The following CLTC variants were observed in gnomAD, a reference collection of about 807,000 sequenced individuals.
CLTC encodes clathrin heavy chain.
In CLTC, 16 loss-of-function variants were observed where a neutral mutation model predicts 195.8. That is an observed-to-expected ratio of 0.08 (90% CI 0.06 to 0.12). CLTC has a LOEUF of 0.12. Among genes scored for constraint, CLTC ranks in the 10% least tolerant of loss-of-function variants. The probability of loss-of-function intolerance (pLI) is 1.00; values close to 1 mark genes in which losing one functional copy is unlikely to be tolerated. For missense variants in CLTC, 796 were observed against 2,027.0 expected, an observed-to-expected ratio of 0.39 and a Z score of 11.66; for synonymous variants, 667 against 689.4, an observed-to-expected ratio of 0.97 and a Z score of 0.51.
Position 59,693,806 on chromosome 17 carries a change from C to T in CLTC, c.4982C>T (p.Ala1661Val). Reference sequence around the variant, plus strand: ...GCACCTTTTGGTTATGGTTATACCGCACCACCGTATGGACAGCCACAGCCT... The same window carrying T: ...GCACCTTTTGGTTATGGTTATACCGTACCACCGTATGGACAGCCACAGCCT... The part of the protein sequence containing the change: ...PQAPFGYGYT[A>V]PPYGQPQPGF... The change falls in exon 32 of 32, where the codon GCA (alanine) becomes GTA (valine). Residue 1661 changes from alanine to valine, a missense_variant. Physicochemically the swap from Ala to Val is moderately conservative, Grantham distance 64 (BLOSUM62 0). Around this residue, in one of 9 missense-constraint regions of CLTC, gnomAD observed 148 missense variants for 279.5 expected, o/e 0.53. Transcript: ENST00000269122. 6.2e-7 allele frequency: 1 copy of T among 1,613,616 alleles called. No homozygotes were observed. The highest frequency in any genetic ancestry group is 8.5e-7 in the Non-Finnish European group (1 of 1,179,770).
chr17:59,662,312 A>G (rs1200858159), intron 8 of CLTC, among the ~76,000 whole-genome samples: 1 of 151,958 alleles, frequency 6.6e-6, no homozygotes, highest in Non-Finnish European at 1.5e-5. Flanking sequence ...TTTTATATTC[A>G]CTCAGTACTT....
Position 59,696,939 on chromosome 17 carries a change from G to C in CLTC, c.*3087G>C, listed in dbSNP as rs1449550658. ...AACATGAAACACTGCACAGTAGGTTGTATCAATGCTATAAAACTCAACCTG... is the reference window on the plus strand; with the variant it reads ...AACATGAAACACTGCACAGTAGGTTCTATCAATGCTATAAAACTCAACCTG... On this transcript the variant is annotated 3_prime_UTR_variant, in exon 32 of 32. Coordinates refer to ENST00000269122, the MANE Select transcript of CLTC (RefSeq NM_004859.4). 5.0e-6 allele frequency: 1 copy of C among 198,524 alleles called. No homozygotes were observed. Among genetic ancestry groups the C allele is most frequent in the Non-Finnish European group, 1.0e-5 (1 of 95,550 alleles). 12.3% of individuals were successfully genotyped at this position (198,524 alleles called of 1,614,324 possible).
intron 16 of CLTC, among the ~76,000 whole-genome samples, chr17:59,675,816 A>T (rs1598235578): frequency 6.6e-6 from 1 of 152,342 alleles, no homozygotes; most frequent in East Asian, 1.9e-4. Context: ...GTGAAAAGCT[A>T]GATTCACATC....
In CLTC at chr17:59,685,041, CTTT is replaced by C; in HGVS notation, c.4435-6_4435-4del. The C allele has an allele frequency of 3.6e-6, 4 of 1,123,452 alleles. No individual in the cohort carries two copies. The highest frequency in any genetic ancestry group is 4.9e-6 in the Non-Finnish European group (4 of 820,010). 69.6% of individuals were successfully genotyped at this position (1,123,452 alleles called of 1,614,324 possible). A position where few individuals can be genotyped will look rare whatever the true frequency, so the allele number is the denominator to read the frequency against. Reference sequence around the variant, plus strand: ...AAATACTGATCTGGCATTTGGATGGCTTTTTTTTTTTAAGGCTCTGCGAACATC... The same window carrying C: ...AAATACTGATCTGGCATTTGGATGGCTTTTTTTTAAGGCTCTGCGAACATC... On this transcript the variant is annotated splice_polypyrimidine_tract_variant and intron_variant, in intron 28 of 31. Coordinates refer to ENST00000269122, the MANE Select transcript of CLTC (RefSeq NM_004859.4). This position sits in a 1 kb window ranked among gnomAD's most constrained non-coding sequence, Gnocchi z 5.0.
chr17:59,631,845 C>T (rs2031726919), intron 1 of CLTC, among the ~76,000 whole-genome samples: 1 of 151,992 alleles, frequency 6.6e-6, no homozygotes, highest in Admixed American at 6.6e-5. Flanking sequence ...TGGCATGCGC[C>T]TGTAGTCCCA....
chr17:59,686,168 C>G (rs1231339322), intron 30 of CLTC, among the ~76,000 whole-genome samples: 1 of 151,644 alleles, frequency 6.6e-6, no homozygotes, highest in Non-Finnish European at 1.5e-5. Flanking sequence ...TGGTTGGTTC[C>G]TGACTTTAAT....
intron 31 of CLTC, among the ~76,000 whole-genome samples, chr17:59,692,240 C>T (rs2033320887): frequency 6.6e-6 from 1 of 152,202 alleles, no homozygotes; most frequent in South Asian, 2.1e-4. Flanking sequence ...TTGCTTGAAC[C>T]TGGGAGGCAA....
At chr17:59,658,028 GTC>G (rs1330146982) in intron 6 of CLTC, among the ~76,000 whole-genome samples, 1 of 151,968 alleles carries the variant, frequency 6.6e-6, no homozygotes, top group African/African-American at 2.4e-5. Context: ...GTGAAACCTC[GTC>G]TCTACTAAAA....
rs10644070 is a variant in CLTC, at chr17:59,696,525, T to TAAAGAA, written c.*2676_*2677insGAAAAA. On this transcript the variant is annotated 3_prime_UTR_variant, in exon 32 of 32. Coordinates refer to ENST00000269122, the MANE Select transcript of CLTC (RefSeq NM_004859.4). ...GTCAGTATCCTCCTAAAAGAAGGCTTAAATAGTTTCTAACAAGATGACTAT... is the reference window on the plus strand; with the variant it reads ...GTCAGTATCCTCCTAAAAGAAGGCTTAAAGAAAAATAGTTTCTAACAAGATGACTAT... 182,491 of 212,022 alleles carry TAAAGAA rather than the reference T, an allele frequency of 0.86. 78,757 individuals are homozygous for TAAAGAA. Among genetic ancestry groups the TAAAGAA allele is most frequent in the East Asian group, 0.96 (13,530 of 14,116 alleles). 13.1% of individuals were successfully genotyped at this position (212,022 alleles called of 1,614,324 possible). A position where few individuals can be genotyped will look rare whatever the true frequency, so the allele number is the denominator to read the frequency against.
At chr17:59,634,684 A>G (rs760320661) in intron 1 of CLTC, among the ~76,000 whole-genome samples, 7 of 139,754 alleles carry the variant, frequency 5.0e-5, no homozygotes, top group South Asian at 4.2e-4. Context: ...GAAAAAAACT[A>G]TATGTTTAAA....
intron 1 of CLTC, among the ~76,000 whole-genome samples, chr17:59,629,165 C>T (rs1005555835): frequency 2.0e-5 from 3 of 152,198 alleles, no homozygotes; most frequent in Non-Finnish European, 4.4e-5. Context: ...AAACCCATCT[C>T]TTTCTCCAGT....
chr17:59,621,108 G>A (rs1395334838), intron 1 of CLTC, among the ~76,000 whole-genome samples: 1 of 152,202 alleles, frequency 6.6e-6, no homozygotes, highest in Non-Finnish European at 1.5e-5. Context: ...CCTTTAGTAA[G>A]TTCTAGAGTT....
At chr17:59,621,976 G>T (rs1449304383) in intron 1 of CLTC, among the ~76,000 whole-genome samples, 1 of 152,208 alleles carries the variant, frequency 6.6e-6, no homozygotes, top group African/African-American at 2.4e-5. Flanking sequence ...CACGGCAGAT[G>T]TGTAGCTCAC....
chr17:59,688,216 T>C (rs2033225630), intron 30 of CLTC, among the ~76,000 whole-genome samples: 1 of 152,224 alleles, frequency 6.6e-6, no homozygotes, highest in Non-Finnish European at 1.5e-5. Flanking sequence ...TGCTGTGGGC[T>C]GTGTGTGTTT....
chr17:59,641,946 C>G (rs949208884), intron 1 of CLTC, among the ~76,000 whole-genome samples: 1 of 150,800 alleles, frequency 6.6e-6, no homozygotes, highest in Admixed American at 6.6e-5. Context: ...TCTCAGCCTC[C>G]CAAAGTGCTG....
At chr17:59,637,202 A>G (rs1157035846) in intron 1 of CLTC, among the ~76,000 whole-genome samples, 3 of 152,096 alleles carry the variant, frequency 2.0e-5, no homozygotes, top group Non-Finnish European at 4.4e-5. Context: ...GGTTTAAATC[A>G]GAATCCAAGA....
rs761571887 is a variant in CLTC, at chr17:59,676,960, A to ACTG, written c.2571_2573dup (p.Leu859dup). On this transcript the variant is annotated inframe_insertion, in exon 17 of 32. Transcript: ENST00000269122. Reference sequence around the variant, plus strand: ...TTTTTTCCTTTTTTCCTAGATTGAAACTGCTTCTGCCTTGGCTAGAGGCCA... The same window carrying ACTG: ...TTTTTTCCTTTTTTCCTAGATTGAAACTGCTGCTTCTGCCTTGGCTAGAGGCCA... 1 of 1,613,684 alleles carries ACTG rather than the reference A, an allele frequency of 6.2e-7. No homozygotes were observed.
chr17:59,693,813 G>T lies in CLTC; in HGVS notation c.4989G>T (p.Pro1663=). Residue 1663 remains proline, a synonymous_variant, in exon 32 of 32, where the codon CCG becomes CCT. Transcript: ENST00000269122. ...APFGYGYTAP[P]YGQPQPGFGY... is the part of the protein sequence containing the mutation. ...TTGGTTATGGTTATACCGCACCACC[G>T]TATGGACAGCCACAGCCTGGCTTTG... is the stretch of plus-strand genomic sequence containing the variant. 6.2e-7 allele frequency: 1 copy of T among 1,613,164 alleles called. No homozygotes were observed. The highest frequency in any genetic ancestry group is 8.5e-7 in the Non-Finnish European group (1 of 1,179,572).
At chr17:59,689,491 GTTT>G in intron 30 of CLTC, 1 of 151,988 alleles carries the variant, frequency 6.6e-6, no homozygotes, top group East Asian at 1.9e-4. Flanking sequence ...TTCATAAAGT[GTTT>G]CCCCCTGCAC....
Sources: gnomAD v4.1 joint callset for allele counts (sites outside exome capture counted in the v4.1 genomes callset) on GRCh38, gnomAD v4.1.1 for gene constraint, gnomAD v4.1.1 regional missense constraint, Gnocchi (gnomAD v3.1) non-coding constraint, MANE v1.5 for transcripts, NCBI Gene and HGNC (gene_info 2026-07-23, HGNC 2026-07-21) for gene names.